Variants in IDO2 observed in about 807,000 individuals in gnomAD.
IDO2 encodes the protein indoleamine 2,3-dioxygenase 2, also known as indoleamine 2,3-dioxygenase-like 1 protein.
In IDO2, 46 loss-of-function variants were observed where a neutral mutation model predicts 45.1. The observed-to-expected ratio is 1.02, with a 90% CI of 0.80 to 1.30. The LOEUF (loss-of-function observed/expected upper bound fraction) is 1.30. IDO2 is among the 50% of genes most tolerant of loss of function. The pLI is 0.00. For missense variants in IDO2, 544 were observed against 491.8 expected (o/e 1.11, Z -1.00); for synonymous variants, 218 against 184.9 (o/e 1.18, Z -1.45).
exon 2 of IDO2, chr8:39,949,241 G>A (rs369022230): frequency 6.3e-7 from 1 of 1,598,000 alleles, no homozygotes; most frequent in Non-Finnish European, 8.5e-7. Flanking sequence ...TGAAGAGTAT[G>A]GCTTTCTTCT....
chr8:39,998,310 T>G (rs1161086513), intron 8 of IDO2: 1 of 152,236 alleles, frequency 6.6e-6, no homozygotes, highest in Non-Finnish European at 1.5e-5. Flanking sequence ...GTATATTTTG[T>G]TCTCTGCAAC....
In IDO2 at chr8:39,989,840, T is replaced by C; in HGVS notation, c.667+2T>C. 6.3e-7 allele frequency: 1 copy of C among 1,575,160 alleles called. No individual in the cohort carries two copies. Among genetic ancestry groups the C allele is most frequent in the Non-Finnish European group, 8.6e-7 (1 of 1,157,396 alleles). Reference sequence around the variant, plus strand: ...CCAAAACCTTAGGACAGATGCATGGTAAGATGCTTCCGAAGCTCCTGAAGG... The same window carrying C: ...CCAAAACCTTAGGACAGATGCATGGCAAGATGCTTCCGAAGCTCCTGAAGG... On this transcript the variant is annotated splice_donor_variant, in intron 8 of 10. Coordinates refer to ENST00000502986, the Ensembl canonical transcript of IDO2. LOFTEE classifies it high-confidence loss of function.
rs537875530 is a variant in IDO2 at position 40,009,254 on chromosome 8, A to T, written c.719+3876A>T. On this transcript the variant is annotated intron_variant, in intron 9 of 10. Transcript: ENST00000502986. ...GTTCTTGAACTCCTGACCTCAGGTG[A>T]TCTGCCCACCTTGGTCCCCCAAAGT... Among the ~76,000 whole-genome samples the T allele has an allele frequency of 1.8e-4, 28 of 152,272 alleles. No individual in the cohort carries two copies. The South Asian group carries it at 1.9e-3, about 10-fold the overall frequency.
rs1807522464 is a variant in IDO2, at chr8:39,934,903, C to A, written c.-333C>A. On this transcript the variant is annotated 5_prime_UTR_variant, in exon 1 of 11. The change creates a premature stop within an existing upstream ORF in the 5' untranslated region. Coordinates refer to ENST00000502986, the Ensembl canonical transcript of IDO2. ...GTTGGAAATCTGCCTGGTAAGGGAT[C>A]ATTTGCTGGTGTCTGCAAAGTTGAG... 1.9e-6 allele frequency: 1 copy of A among 539,644 alleles called. No individual in the cohort carries two copies. The highest frequency in any genetic ancestry group is 3.3e-6 in the Non-Finnish European group (1 of 301,830). The allele number at this position is 539,644 out of a possible 1,614,324, so 33.4% of individuals were successfully genotyped here. A position where few individuals can be genotyped will look rare whatever the true frequency, so the allele number is the denominator to read the frequency against.
chr8:39,980,514 T>A, intron 4 of IDO2, among the ~76,000 whole-genome samples: 1 of 152,182 alleles, frequency 6.6e-6, no homozygotes, highest in East Asian at 1.9e-4. Flanking sequence ...CTTTTACTTT[T>A]ATTTTTGGAA....
chr8:39,938,642 C>T (rs59017358), intron 1 of IDO2, among the ~76,000 whole-genome samples: 28,026 of 151,768 alleles, frequency 0.18, 2,994 homozygotes, highest in South Asian at 0.32. Flanking sequence ...GTCAAGAGAA[C>T]AAAAAGACAA....
intron 9 of IDO2, among the ~76,000 whole-genome samples, 157 bp downstream of exon 9, chr8:40,005,535 C>T (rs1289282686): frequency 6.6e-6 from 1 of 152,188 alleles, no homozygotes; most frequent in Admixed American, 6.5e-5. Context: ...ATACCATCTG[C>T]ACAACAAATA....
intron 8 of IDO2, among the ~76,000 whole-genome samples, chr8:39,990,870 C>T (rs1808488372): frequency 6.6e-6 from 1 of 152,186 alleles, no homozygotes; most frequent in African/African-American, 2.4e-5. Flanking sequence ...CATTCAGTTT[C>T]CAACATCTGG....
At chr8:39,978,985 C>A (rs557530393) in intron 3 of IDO2, 82 bp from the exon 4 acceptor site, 1 of 1,389,156 alleles carries the variant, frequency 7.2e-7, no homozygotes, top group Non-Finnish European at 9.9e-7. Flanking sequence ...GGTCCCTTCA[C>A]ATCCCAGGTC....
At chr8:40,015,533 C>T (rs377700687) in exon 11 of IDO2, 79 of 1,613,858 alleles carry the variant, frequency 4.9e-5, no homozygotes, top group Non-Finnish European at 6.4e-5. Context: ...CAGGTGGAAC[C>T]GCAGTTATGA....
chr8:39,998,038 C>T, intron 8 of IDO2: 1 of 235,036 alleles, frequency 4.3e-6, no homozygotes, highest in Non-Finnish European at 8.8e-6. Context: ...CCACCAATTC[C>T]CTTCTCTCCT....
chr8:40,000,989 T>A (rs1802126081), intron 8 of IDO2, among the ~76,000 whole-genome samples: 1 of 152,196 alleles, frequency 6.6e-6, no homozygotes, highest in Non-Finnish European at 1.5e-5. Context: ...TCTTTTTAAA[T>A]TTTTAAAAAA....
At chr8:39,962,723 A>G (rs1808018321) in intron 2 of IDO2, among the ~76,000 whole-genome samples, 1 of 152,234 alleles carries the variant, frequency 6.6e-6, no homozygotes, top group Non-Finnish European at 1.5e-5. Flanking sequence ...TGAAAAGGCT[A>G]GGCTCCTCCC....
chr8:40,001,188 G>C (rs1462965753), intron 8 of IDO2, among the ~76,000 whole-genome samples: 3 of 147,544 alleles, frequency 2.0e-5, no homozygotes, highest in East Asian at 4.0e-4. Flanking sequence ...CTCTCTCTCT[G>C]TGTATACAGG....
chr8:39,934,987 T>A lies in IDO2; in HGVS notation c.-249T>A. On this transcript the variant is annotated 5_prime_UTR_variant, in exon 1 of 11. Transcript: ENST00000502986. Reference sequence around the variant, plus strand: ...ATGATAGTTAAGAAAGCAGTAAGAATACAGAGAGTCCACAATGAGATGAAA... The same window carrying A: ...ATGATAGTTAAGAAAGCAGTAAGAAAACAGAGAGTCCACAATGAGATGAAA... 9.1e-6 allele frequency: 6 copies of A among 659,898 alleles called. No homozygotes were observed. The East Asian group carries it at 1.6e-4, about 17-fold the overall frequency. The allele number at this position is 659,898 out of a possible 1,614,324, so 40.9% of individuals were successfully genotyped here.
At position 39,935,192 on chromosome 8, in the gene IDO2, C is replaced by T; in HGVS notation, c.-44C>T. 6.2e-7 allele frequency: 1 copy of T among 1,613,612 alleles called. No individual in the cohort carries two copies. The highest frequency in any genetic ancestry group is 8.5e-7 in the Non-Finnish European group (1 of 1,179,514). On this transcript the variant is annotated 5_prime_UTR_variant, in exon 1 of 11. An upstream open reading frame in the 5' UTR gains an earlier in-frame stop. Coordinates refer to ENST00000502986, the Ensembl canonical transcript of IDO2. ...TGACACTTCACCCACCAGGCCACCACAAGAATGTTGCATTTTCATTATTAT... is the reference window on the plus strand; with the variant it reads ...TGACACTTCACCCACCAGGCCACCATAAGAATGTTGCATTTTCATTATTAT...
intron 4 of IDO2, among the ~76,000 whole-genome samples, chr8:39,981,553 ACCCACCAC>A (rs1194569582): frequency 2.0e-5 from 3 of 151,808 alleles, no homozygotes; most frequent in Admixed American, 6.6e-5. Context: ...GGCTCCCCAC[ACCCACCAC>A]CCCGCCTCAG....
intron 6 of IDO2, among the ~76,000 whole-genome samples, chr8:39,986,692 A>G (rs1808428709): frequency 6.7e-6 from 1 of 148,810 alleles, no homozygotes; most frequent in Non-Finnish European, 1.5e-5. Context: ...ATAGATAGAT[A>G]GATAGATAGA....
chr8:39,994,489 T>C (rs1285437383), intron 8 of IDO2, among the ~76,000 whole-genome samples: 2 of 152,168 alleles, frequency 1.3e-5, no homozygotes, highest in Non-Finnish European at 2.9e-5. Flanking sequence ...ACTCCTGACC[T>C]TAGGTGATCT....
Sources: gnomAD v4.1 joint callset for allele counts (sites outside exome capture counted in the v4.1 genomes callset) on GRCh38, gnomAD v4.1.1 for gene constraint, MANE v1.5 for transcripts, NCBI Gene and HGNC (gene_info 2026-07-23, HGNC 2026-07-21) for gene names.